SH3BGR: variants seen among roughly 807,000 people sequenced by gnomAD.
SH3BGR encodes SH3 domain-binding glutamic acid-rich protein.
A neutral mutation model predicts 24.5 loss-of-function variants in SH3BGR; 29 were observed. The ratio of observed to expected loss-of-function variants is 1.18; its 90% CI spans 0.88 to 1.61. The LOEUF is 1.61. Among genes scored for constraint, SH3BGR ranks in the 40% most tolerant of loss-of-function variants. SH3BGR has a pLI of 0.00. For synonymous variants in SH3BGR, 55 were observed against 65.7 expected, an observed-to-expected ratio of 0.84 and a Z score of 0.79; for missense variants, 162 against 205.8, an observed-to-expected ratio of 0.79 and a Z score of 1.30.
At position 39,457,021 on chromosome 21, in the gene SH3BGR, A is replaced by G. The variant is rs1178824766; in HGVS notation, c.45+4880A>G. ...ACTTATTTATATAAAATTTTATAATATATATTGACTGTCAATTTTGTTTTA... is the reference window on the plus strand; with the variant it reads ...ACTTATTTATATAAAATTTTATAATGTATATTGACTGTCAATTTTGTTTTA... On this transcript the variant is annotated intron_variant, in intron 1 of 6. Transcript: ENST00000333634. Among the ~76,000 whole-genome samples, 10 of 149,382 alleles carry G rather than the reference A, an allele frequency of 6.7e-5. 1 individual carries two copies. The highest frequency in any genetic ancestry group is 1.5e-5 in the Non-Finnish European group (1 of 67,428).
At chr21:39,468,295 A>G (rs1256426840) in intron 2 of SH3BGR, among the ~76,000 whole-genome samples, 1 of 152,218 alleles carries the variant, frequency 6.6e-6, no homozygotes, top group Non-Finnish European at 1.5e-5. Context: ...CGTATGTGAT[A>G]AGAAATACAT....
intron 5 of SH3BGR, among the ~76,000 whole-genome samples, chr21:39,509,497 C>G (rs2078639480): frequency 8.6e-6 from 1 of 116,008 alleles, no homozygotes; most frequent in South Asian, 2.7e-4. Flanking sequence ...TTTTTTGAGA[C>G]AGGGTCTCAC....
chr21:39,515,027 T>C (rs2078757658), intron 6 of SH3BGR, 61 bp from the exon 7 acceptor site: 1 of 449,496 alleles, frequency 2.2e-6, no homozygotes, highest in East Asian at 7.2e-5. Context: ...TGATGAAGAT[T>C]GTGGTAAACA....
chr21:39,463,088 T>C (rs1177118201), intron 2 of SH3BGR, among the ~76,000 whole-genome samples: 1 of 152,160 alleles, frequency 6.6e-6, no homozygotes, highest in Admixed American at 6.5e-5. Flanking sequence ...CTCCCTATGT[T>C]GCCCAGGCTG....
intron 4 of SH3BGR, among the ~76,000 whole-genome samples, chr21:39,506,231 A>G (rs2078581026): frequency 6.6e-6 from 1 of 152,238 alleles, no homozygotes; most frequent in Admixed American, 6.5e-5. Context: ...AATGATGATT[A>G]TGGGAGCAAG....
intron 3 of SH3BGR, among the ~76,000 whole-genome samples, chr21:39,476,527 A>T (rs1602109985): frequency 6.6e-6 from 1 of 152,124 alleles, no homozygotes; most frequent in Non-Finnish European, 1.5e-5. Flanking sequence ...TCATTGTTTT[A>T]AAAAATGCCC....
intron 1 of SH3BGR, among the ~76,000 whole-genome samples, chr21:39,457,291 ATAATATAGT>A (rs958431350): frequency 8.1e-4 from 77 of 95,450 alleles, no homozygotes; most frequent in African/African-American, 2.8e-3. Flanking sequence ...TAAGATTATT[ATAATATAGT>A]TACATATATA....
At chr21:39,504,890 T>C (rs1259946190) in intron 4 of SH3BGR, among the ~76,000 whole-genome samples, 1 of 152,138 alleles carries the variant, frequency 6.6e-6, no homozygotes, top group Non-Finnish European at 1.5e-5. Context: ...CTGGAGTGCA[T>C]TGGCATAATC....
At chr21:39,463,389 G>A (rs536258567) in intron 2 of SH3BGR, among the ~76,000 whole-genome samples, 15 of 152,210 alleles carry the variant, frequency 9.9e-5, no homozygotes, top group South Asian at 8.3e-4. Context: ...AAATCAAGTC[G>A]TTGGAAAGAA....
intron 3 of SH3BGR, among the ~76,000 whole-genome samples, chr21:39,478,688 T>C (rs1025596411): frequency 3.3e-5 from 5 of 152,138 alleles, no homozygotes; most frequent in African/African-American, 1.2e-4. Context: ...AATTCTCTAA[T>C]TTTCTTATCT....
intron 2 of SH3BGR, among the ~76,000 whole-genome samples, chr21:39,470,262 C>CTTT (rs1004775869): frequency 6.9e-6 from 1 of 144,988 alleles, no homozygotes; most frequent in Admixed American, 6.9e-5. Flanking sequence ...TTGTCCCAAA[C>CTTT]TTTTTTTTTT....
chr21:39,490,432 C>G (rs1038471357), intron 3 of SH3BGR, among the ~76,000 whole-genome samples: 1 of 152,164 alleles, frequency 6.6e-6, no homozygotes, highest in Non-Finnish European at 1.5e-5. Flanking sequence ...GAGAATATCT[C>G]CGACCATGAT....
At chr21:39,474,732 A>G (rs1029064880) in intron 2 of SH3BGR, among the ~76,000 whole-genome samples, 15 of 152,152 alleles carry the variant, frequency 9.9e-5, no homozygotes, top group African/African-American at 3.6e-4. Context: ...AGATACTTTA[A>G]TCACAGTATG....
At chr21:39,498,103 C>T (rs1041143438) in intron 3 of SH3BGR, among the ~76,000 whole-genome samples, 1 of 152,186 alleles carries the variant, frequency 6.6e-6, no homozygotes, top group Non-Finnish European at 1.5e-5. Flanking sequence ...GACAAATGTC[C>T]ATGGTACATT....
chr21:39,499,987 A>G (rs1036998197), intron 4 of SH3BGR, 72 bp downstream of exon 4: 6 of 1,100,552 alleles, frequency 5.5e-6, no homozygotes, highest in African/African-American at 3.1e-5. Context: ...GGCTTGTACA[A>G]CTTGACTCTG....
intron 6 of SH3BGR, among the ~76,000 whole-genome samples, chr21:39,514,746 A>G (rs2078753545): frequency 6.6e-6 from 1 of 152,190 alleles, no homozygotes; most frequent in Admixed American, 6.5e-5. Context: ...TTGCCACTTA[A>G]TACCTTCTTC....
intron 2 of SH3BGR, among the ~76,000 whole-genome samples, chr21:39,471,551 A>G (rs928886275): frequency 2.0e-5 from 3 of 152,162 alleles, no homozygotes; most frequent in Non-Finnish European, 2.9e-5. Context: ...TTTTCATACA[A>G]TAATATTTCC....
intron 1 of SH3BGR, among the ~76,000 whole-genome samples, chr21:39,453,625 G>A (rs1239268227): frequency 2.0e-5 from 3 of 152,168 alleles, no homozygotes; most frequent in African/African-American, 7.2e-5. Context: ...AGCTTTGGAT[G>A]ACCTGGAGAG....
chr21:39,495,618 TA>T (rs1380506758), intron 3 of SH3BGR, among the ~76,000 whole-genome samples: 2 of 152,098 alleles, frequency 1.3e-5, no homozygotes, highest in Non-Finnish European at 2.9e-5. Context: ...TAACTGGTAC[TA>T]TGGGCATACA....
Sources: gnomAD v4.1 joint callset for allele counts (sites outside exome capture counted in the v4.1 genomes callset) on GRCh38, gnomAD v4.1.1 for gene constraint, MANE v1.5 for transcripts, NCBI Gene and HGNC (gene_info 2026-07-23, HGNC 2026-07-21) for gene names.